DOCK5: variants seen among roughly 807,000 people sequenced by gnomAD.
DOCK5 encodes the protein dedicator of cytokinesis 5.
In DOCK5, 142 loss-of-function variants were observed where a neutral mutation model predicts 251.8. The observed-to-expected ratio is 0.56, with a 90% CI of 0.49 to 0.65. DOCK5 has a LOEUF of 0.65. Among genes scored for constraint, DOCK5 ranks in the 30% least tolerant of loss-of-function variants. The pLI, the probability that DOCK5 is intolerant of heterozygous loss-of-function variation, is 0.00. For synonymous variants in DOCK5, 842 were observed against 835.5 expected (o/e 1.01, Z -0.13); for missense variants, 2,111 against 2,312.3 (o/e 0.91, Z 1.79).
intron 1 of DOCK5, among the ~76,000 whole-genome samples, chr8:25,210,066 G>A (rs1296899452): frequency 0.019 from 450 of 24,144 alleles, 102 homozygotes; most frequent in Admixed American, 0.032. Flanking sequence ...GTGTGTGTGT[G>A]TGTATCTGTC....
chr8:25,277,929 T>G (rs2117128880), intron 4 of DOCK5, among the ~76,000 whole-genome samples: 1 of 152,340 alleles, frequency 6.6e-6, no homozygotes, highest in African/African-American at 2.4e-5. Context: ...TTCTCCTTTT[T>G]TCTTTTTGCT....
chr8:25,336,258 A>G lies in DOCK5; in HGVS notation c.2212A>G (p.Asn738Asp), dbSNP rs1805802756. ...TCTAAGGAAACTCTCCAAGGTACTG[A>G]ACTTCTATGTGGCTAATGCAGATGA... ...LAYVKLSKVL[N>D]FYVANADDSS... The change falls in exon 22 of 52, where the codon AAC becomes GAC. Residue 738 changes from asparagine to aspartate, a missense_variant. Physicochemically the swap from Asn to Asp is conservative, Grantham distance 23. Coordinates refer to ENST00000276440, the MANE Select transcript of DOCK5 (RefSeq NM_024940.8). The G allele has an allele frequency of 6.2e-7, 1 of 1,613,618 alleles. No homozygotes were observed. The highest frequency in any genetic ancestry group is 8.5e-7 in the Non-Finnish European group (1 of 1,179,610).
chr8:25,219,054 A>G (rs1369156226), intron 1 of DOCK5, among the ~76,000 whole-genome samples: 3 of 151,880 alleles, frequency 2.0e-5, no homozygotes, highest in African/African-American at 7.3e-5. Flanking sequence ...CTCTCTTGTG[A>G]TTCATCGGTT....
chr8:25,375,574 G>T, intron 37 of DOCK5: 2 of 528,744 alleles, frequency 3.8e-6, no homozygotes, highest in Non-Finnish European at 4.8e-6. Flanking sequence ...CTACCACCTT[G>T]GTCCATCCCG....
At chr8:25,306,825 G>A (rs1364626352) in intron 11 of DOCK5, among the ~76,000 whole-genome samples, 2 of 152,122 alleles carry the variant, frequency 1.3e-5, no homozygotes, top group African/African-American at 2.4e-5. Flanking sequence ...GCAGTGATAC[G>A]TTCTGAGAAA....
At chr8:25,295,741 T>G (rs1195797164) in intron 6 of DOCK5, among the ~76,000 whole-genome samples, 1 of 152,212 alleles carries the variant, frequency 6.6e-6, no homozygotes, top group Admixed American at 6.5e-5. Flanking sequence ...TAATAACATT[T>G]ACCTCCACCC....
intron 1 of DOCK5, among the ~76,000 whole-genome samples, chr8:25,224,292 T>C (rs1010505712): frequency 2.6e-5 from 4 of 152,122 alleles, no homozygotes; most frequent in Admixed American, 1.3e-4. Flanking sequence ...CTAATTTATA[T>C]ATTTTTAGTA....
In DOCK5 at chr8:25,366,909, A is replaced by G; in HGVS notation, c.3163A>G (p.Thr1055Ala). ...NYFHLAVAFL[T>A]HESLQLETFS... ...CTTCCATTTGGCAGTTGCATTTCTC[A>G]CCCATGAGTCCCTTCAGCTTGAAAC... Residue 1055 changes from threonine to alanine, a missense_variant, in exon 31 of 52, where the codon ACC becomes GCC. Thr to Ala is a moderately conservative substitution (Grantham distance 58). This residue lies in a region of DOCK5 where 1,717 missense variants were observed against 1,892.4 expected (regional missense o/e 0.91). Transcript: ENST00000276440. The G allele has an allele frequency of 6.2e-7, 1 of 1,613,784 alleles. No homozygotes were observed. Among genetic ancestry groups the G allele is most frequent in the South Asian group, 1.1e-5 (1 of 91,074 alleles).
intron 1 of DOCK5, among the ~76,000 whole-genome samples, chr8:25,214,748 C>T (rs573786725): frequency 2.0e-5 from 3 of 152,140 alleles, no homozygotes; most frequent in East Asian, 3.9e-4. Context: ...CCACAAACCA[C>T]GCACTTTATC....
chr8:25,378,272 A>C (rs149845120), intron 38 of DOCK5, among the ~76,000 whole-genome samples: 2,812 of 152,262 alleles, frequency 0.018, 31 homozygotes, highest in Non-Finnish European at 0.028. Flanking sequence ...GGGTGGGGGC[A>C]CCAGGAATAA....
chr8:25,256,134 C>T (rs1218058792), intron 2 of DOCK5, among the ~76,000 whole-genome samples: 1 of 152,178 alleles, frequency 6.6e-6, no homozygotes, highest in African/African-American at 2.4e-5. Flanking sequence ...GATTCTTAGT[C>T]TTACTATTAT....
intron 1 of DOCK5, among the ~76,000 whole-genome samples, chr8:25,199,380 C>CTTT (rs564264937): frequency 0.094 from 11,045 of 117,768 alleles, 1,026 homozygotes; most frequent in African/African-American, 0.21. Flanking sequence ...CCGCTCTGTT[C>CTTT]TTTTTTTTTT....
In DOCK5 at chr8:25,346,824, C is replaced by CA. The variant is rs11320370; in HGVS notation, c.2754+1227dup. On this transcript the variant is annotated intron_variant, in intron 26 of 51. Coordinates refer to ENST00000276440, the MANE Select transcript of DOCK5 (RefSeq NM_024940.8). Reference sequence around the variant, plus strand: ...GGGTAATAGATTGAGACTCCAACTCCAAAAAAAAAAAAAAGAAAACATAGG... The same window carrying CA: ...GGGTAATAGATTGAGACTCCAACTCCAAAAAAAAAAAAAAAGAAAACATAGG... Among the ~76,000 whole-genome samples, 309 of 119,192 alleles carry CA rather than the reference C, an allele frequency of 2.6e-3. 1 individual carries two copies. Among genetic ancestry groups the CA allele is most frequent in the Middle Eastern group, 4.2e-3 (1 of 236 alleles). 78.2% of individuals were successfully genotyped at this position (119,192 alleles called of 152,430 possible). A position where few individuals can be genotyped will look rare whatever the true frequency, so the allele number is the denominator to read the frequency against.
At chr8:25,258,341 C>A (rs1485193136) in intron 2 of DOCK5, among the ~76,000 whole-genome samples, 1 of 151,982 alleles carries the variant, frequency 6.6e-6, no homozygotes, top group Non-Finnish European at 1.5e-5. Context: ...TTCTTTGCTA[C>A]AGATGTTATG....
chr8:25,291,698 A>AAG (rs1804491703), intron 5 of DOCK5, among the ~76,000 whole-genome samples: 1 of 148,122 alleles, frequency 6.8e-6, no homozygotes, highest in Non-Finnish European at 1.5e-5. Flanking sequence ...AAAAAAAAAA[A>AAG]TCAACCAGGC....
chr8:25,383,602 C>T lies in DOCK5; in HGVS notation c.4131+824C>T, dbSNP rs112828716. Among the ~76,000 whole-genome samples the T allele has an allele frequency of 6.4e-3, 981 of 152,278 alleles. 12 individuals carry two copies. The highest frequency in any genetic ancestry group is 0.022 in the African/African-American group (934 of 41,554). Reference sequence around the variant, plus strand: ...GGACGCAGTGGCTCATGCCTGTAATCCCAGCGCTTTGGGAGGCTGAGGCAG... The same window carrying T: ...GGACGCAGTGGCTCATGCCTGTAATTCCAGCGCTTTGGGAGGCTGAGGCAG... On this transcript the variant is annotated intron_variant, in intron 40 of 51. Transcript: ENST00000276440.
At chr8:25,391,188 C>G (rs1586389081) in intron 42 of DOCK5, among the ~76,000 whole-genome samples, 1 of 148,800 alleles carries the variant, frequency 6.7e-6, no homozygotes, top group Admixed American at 6.8e-5. Context: ...GGGACATACA[C>G]CACCACACCT....
chr8:25,363,033 T>A lies in DOCK5; in HGVS notation c.2950-14T>A. 6.2e-7 allele frequency: 1 copy of A among 1,610,670 alleles called. No individual in the cohort carries two copies. Among genetic ancestry groups the A allele is most frequent in the South Asian group, 1.1e-5 (1 of 91,008 alleles). On this transcript the variant is annotated splice_polypyrimidine_tract_variant and intron_variant, in intron 28 of 51. Transcript: ENST00000276440. ...AACCCAGTTTTCCCCCAACCACTCC[T>A]CTGTTCTCCGCAGGACTTCCTCATG...
At chr8:25,315,502 G>T (rs963614609) in intron 13 of DOCK5, among the ~76,000 whole-genome samples, 1 of 152,172 alleles carries the variant, frequency 6.6e-6, no homozygotes, top group Non-Finnish European at 1.5e-5. Flanking sequence ...CCCAGCACAC[G>T]CCTGCTGCAG....
Sources: gnomAD v4.1 joint callset for allele counts (sites outside exome capture counted in the v4.1 genomes callset) on GRCh38, gnomAD v4.1.1 for gene constraint, gnomAD v4.1.1 regional missense constraint, MANE v1.5 for transcripts, NCBI Gene and HGNC (gene_info 2026-07-23, HGNC 2026-07-21) for gene names.